ADAMTS20: variants seen among roughly 807,000 people sequenced by gnomAD.
The protein encoded by ADAMTS20 is ADAM metallopeptidase with thrombospondin type 1 motif 20.
In ADAMTS20, 225 loss-of-function variants were observed where a neutral mutation model predicts 260.1. The ratio of observed to expected loss-of-function variants is 0.87; its 90% confidence interval spans 0.78 to 0.97. ADAMTS20 has a LOEUF of 0.97. Ranked by LOEUF, ADAMTS20 falls within the 50% of genes least tolerant of loss-of-function variation. The probability of loss-of-function intolerance (pLI) is 0.00; values close to 1 mark genes in which losing one functional copy is unlikely to be tolerated. For missense variants in ADAMTS20, 2,400 were observed against 2,337.7 expected, an observed-to-expected ratio of 1.03 and a Z score of -0.55; for synonymous variants, 802 against 769.5, an observed-to-expected ratio of 1.04 and a Z score of -0.70.
At chr12:43,418,720 C>G (rs1029318713) in intron 28 of ADAMTS20, among the ~76,000 whole-genome samples, 1 of 152,138 alleles carries the variant, frequency 6.6e-6, no homozygotes. Flanking sequence ...AAATGGCTTC[C>G]GAATATTTCA....
At chr12:43,529,885 A>G (rs995613516) in intron 3 of ADAMTS20, among the ~76,000 whole-genome samples, 3 of 152,166 alleles carry the variant, frequency 2.0e-5, no homozygotes, top group African/African-American at 7.2e-5. Context: ...TACCTTAGAT[A>G]ATTTTAATTG....
In ADAMTS20 at chr12:43,502,231, A is replaced by C. The variant is rs1232592257; in HGVS notation, c.788T>G (p.Ile263Ser). 1 of 1,612,268 alleles carries C rather than the reference A, an allele frequency of 6.2e-7. No individual in the cohort carries two copies. Among genetic ancestry groups the C allele is most frequent in the Non-Finnish European group, 8.5e-7 (1 of 1,179,258 alleles). Reference protein sequence around the residue: ...RLISYPRYIEIMVTADAKVVS... With the variant: ...RLISYPRYIESMVTADAKVVS... ...CACTTTAGCATCAGCTGTAACCATA[A>C]TTTCAATGTATCTTGGATATGATAT... The change falls in exon 4 of 39, where the codon ATT (isoleucine) becomes AGT (serine). Residue 263 changes from isoleucine to serine, a missense_variant. Ile to Ser is a moderately radical substitution (Grantham distance 142). Coordinates refer to ENST00000389420, the MANE Select transcript of ADAMTS20 (RefSeq NM_025003.5).
At chr12:43,434,019 T>A (rs1042423126) in intron 19 of ADAMTS20, among the ~76,000 whole-genome samples, 1 of 152,174 alleles carries the variant, frequency 6.6e-6, no homozygotes, top group Non-Finnish European at 1.5e-5. Context: ...TTTTTCTACA[T>A]AAAATATTGA....
chr12:43,439,475 G>GA (rs1207778434), intron 18 of ADAMTS20, 147 bp downstream of exon 18: 2 of 908,762 alleles, frequency 2.2e-6, no homozygotes, highest in Non-Finnish European at 3.2e-6. Context: ...AAGTAGAAAG[G>GA]AAAAAAAGAT....
intron 14 of ADAMTS20, among the ~76,000 whole-genome samples, chr12:43,450,891 C>A (rs1327604087): frequency 6.6e-6 from 1 of 151,996 alleles, no homozygotes; most frequent in East Asian, 1.9e-4. Flanking sequence ...CACATAACAT[C>A]CACTAAAAAT....
intron 11 of ADAMTS20, among the ~76,000 whole-genome samples, chr12:43,460,245 T>G (rs530720547): frequency 6.6e-6 from 1 of 152,332 alleles, no homozygotes; most frequent in African/African-American, 2.4e-5. Context: ...TCTTAGCATC[T>G]CATCACATTT....
At chr12:43,539,681 C>A (rs275624) in intron 2 of ADAMTS20, among the ~76,000 whole-genome samples, 141,329 of 152,190 alleles carry the variant, frequency 0.93, 66,055 homozygotes, top group East Asian at 0.99. Flanking sequence ...CATTGTTTTG[C>A]AACCTGAGTA....
intron 2 of ADAMTS20, among the ~76,000 whole-genome samples, chr12:43,537,642 T>C (rs1041882332): frequency 2.0e-5 from 3 of 152,020 alleles, no homozygotes; most frequent in Non-Finnish European, 4.4e-5. Context: ...TCATTAACCA[T>C]CCCCACCTCT....
At chr12:43,472,617 A>G (rs1166001932) in intron 7 of ADAMTS20, among the ~76,000 whole-genome samples, 1 of 131,512 alleles carries the variant, frequency 7.6e-6, no homozygotes, top group African/African-American at 3.0e-5. Context: ...AGGGAAGCCC[A>G]TCAGACTAAC....
chr12:43,519,476 A>G (rs1415132695), intron 3 of ADAMTS20, among the ~76,000 whole-genome samples: 1 of 152,136 alleles, frequency 6.6e-6, no homozygotes, highest in African/African-American at 2.4e-5. Flanking sequence ...AAAAAAACCC[A>G]TGCTGGGGCA....
At chr12:43,522,823 G>A (rs1270445026) in intron 3 of ADAMTS20, among the ~76,000 whole-genome samples, 2 of 152,112 alleles carry the variant, frequency 1.3e-5, no homozygotes, top group Non-Finnish European at 2.9e-5. Context: ...CTATTTGAGA[G>A]CCTGACATCC....
chr12:43,537,163 AGGCT>A (rs770376681), intron 2 of ADAMTS20, among the ~76,000 whole-genome samples: 1 of 151,958 alleles, frequency 6.6e-6, no homozygotes, highest in Non-Finnish European at 1.5e-5. Flanking sequence ...TCCACCTCCC[AGGCT>A]CAAGCAATCC....
intron 31 of ADAMTS20, among the ~76,000 whole-genome samples, chr12:43,378,307 C>G (rs560046609): frequency 6.6e-6 from 1 of 152,322 alleles, no homozygotes; most frequent in East Asian, 1.9e-4. Flanking sequence ...CAGCAGAGCT[C>G]TGACCAGCAG....
chr12:43,516,869 C>T (rs537855568), intron 3 of ADAMTS20, among the ~76,000 whole-genome samples: 2 of 151,872 alleles, frequency 1.3e-5, no homozygotes, highest in Middle Eastern at 3.4e-3. Flanking sequence ...ATTATCAAAC[C>T]AAGACTGGCA....
chr12:43,394,026 A>T (rs1940650043), intron 29 of ADAMTS20, among the ~76,000 whole-genome samples: 1 of 152,118 alleles, frequency 6.6e-6, no homozygotes, highest in Admixed American at 6.6e-5. Flanking sequence ...GAACAAATAC[A>T]TACCTAATTT....
chr12:43,425,549 C>T lies in ADAMTS20; in HGVS notation c.4249G>A (p.Ala1417Thr), dbSNP rs764797881. Residue 1417 changes from alanine to threonine, a missense_variant, in exon 28 of 39, where the codon GCT becomes ACT. Ala to Thr is a moderately conservative substitution (Grantham distance 58, BLOSUM62 0). Coordinates refer to ENST00000389420, the MANE Select transcript of ADAMTS20 (RefSeq NM_025003.5). ...VIQCHMHACP[A>T]DVSWHQEPWT... is the part of the protein sequence containing the mutation. ...GGTTCCTGATGCCATGACACATCAG[C>T]AGGGCAAGCATGCATATGACACTGT... 3 of 1,574,100 alleles carry T rather than the reference C, an allele frequency of 1.9e-6. No homozygotes were observed. Among genetic ancestry groups the T allele is most frequent in the African/African-American group, 1.4e-5 (1 of 73,792 alleles).
At chr12:43,388,089 G>A (rs572237017) in intron 29 of ADAMTS20, among the ~76,000 whole-genome samples, 4 of 151,876 alleles carry the variant, frequency 2.6e-5, no homozygotes, top group South Asian at 2.1e-4. Flanking sequence ...AAAACCTCCC[G>A]CAGCTAGCTT....
chr12:43,356,634 T>A, intron 37 of ADAMTS20, 46 bp from the exon 38 acceptor site: 1 of 1,376,532 alleles, frequency 7.3e-7, no homozygotes, highest in Non-Finnish European at 1.0e-6. Context: ...ATTTACAAAA[T>A]ATTTGATTAC....
intron 2 of ADAMTS20, among the ~76,000 whole-genome samples, chr12:43,541,327 G>A (rs1236009905): frequency 6.6e-6 from 1 of 152,136 alleles, no homozygotes; most frequent in Non-Finnish European, 1.5e-5. Flanking sequence ...TTGACCTTCA[G>A]TTCCATTGTC....
Sources: gnomAD v4.1 joint callset for allele counts (sites outside exome capture counted in the v4.1 genomes callset) on GRCh38, gnomAD v4.1.1 for gene constraint, MANE v1.5 for transcripts, NCBI Gene and HGNC (gene_info 2026-07-23, HGNC 2026-07-21) for gene names.